Variants in MYOM1 observed in about 807,000 individuals in gnomAD.
MYOM1 encodes the protein myomesin-1.
MYOM1 carries 164 observed loss-of-function variants against 205.3 expected under a neutral mutation model. That is an observed-to-expected ratio of 0.80 (90% confidence interval 0.70 to 0.91). The LOEUF (loss-of-function observed/expected upper bound fraction) is 0.91. Ranked by LOEUF, MYOM1 falls within the 40% of genes least tolerant of loss-of-function variation. The pLI, the probability that MYOM1 is intolerant of heterozygous loss-of-function variation, is 0.00. For missense variants in MYOM1, 2,011 were observed against 2,127.3 expected (o/e 0.95, Z 1.08); for synonymous variants, 772 against 789.4 (o/e 0.98, Z 0.37).
chr18:3,246,654 G>C, the MYOM1 span: 1 of 152,262 alleles, frequency 6.6e-6, no homozygotes, highest in Non-Finnish European at 1.5e-5. Flanking sequence ...GGCGTTTACA[G>C]CAACACTGTC....
At chr18:3,103,155 G>C (rs1038377304) in intron 22 of MYOM1, among the ~76,000 whole-genome samples, 2 of 125,944 alleles carry the variant, frequency 1.6e-5, no homozygotes, top group African/African-American at 2.7e-5. Context: ...ACTAAGAATA[G>C]CCTATATTCA....
At chr18:3,098,184 TG>T (rs1327349859) in intron 25 of MYOM1, among the ~76,000 whole-genome samples, 1 of 152,256 alleles carries the variant, frequency 6.6e-6, no homozygotes, top group African/African-American at 2.4e-5. Context: ...ATCACTGGTC[TG>T]TTTCAATTAA....
At chr18:3,067,588 T>A (rs762113438) in intron 37 of MYOM1, 33 bp from the exon 38 acceptor site, 10 of 1,595,006 alleles carry the variant, frequency 6.3e-6, no homozygotes, top group Non-Finnish European at 8.6e-6. Context: ...GAGAAGAAGA[T>A]AAATTAGATG....
chr18:3,247,363 A>G, the MYOM1 span: 1 of 152,292 alleles, frequency 6.6e-6, no homozygotes, highest in Non-Finnish European at 1.5e-5. Context: ...CGGGGCGTCA[A>G]GCGCAGGCGC....
At chr18:3,118,652 C>CA (rs1040379628) in intron 20 of MYOM1, among the ~76,000 whole-genome samples, 3 of 151,834 alleles carry the variant, frequency 2.0e-5, no homozygotes, top group African/African-American at 7.3e-5. Flanking sequence ...CACTTTTGAT[C>CA]AAAAAAAATT....
chr18:3,101,421 A>T (rs2079373826), intron 23 of MYOM1, among the ~76,000 whole-genome samples: 1 of 152,228 alleles, frequency 6.6e-6, no homozygotes, highest in Non-Finnish European at 1.5e-5. Context: ...GCAATGATAG[A>T]TCATACAATT....
intron 34 of MYOM1, 124 bp downstream of exon 34, chr18:3,079,055 C>T: frequency 1.1e-6 from 1 of 871,810 alleles, no homozygotes; most frequent in Non-Finnish European, 1.8e-6. Flanking sequence ...TCAAGTCATC[C>T]TCCTGCCTTG....
the MYOM1 span, among the ~76,000 whole-genome samples, chr18:3,242,955 G>C: frequency 1.3e-3 from 191 of 152,050 alleles, no homozygotes; most frequent in African/African-American, 4.5e-3. Flanking sequence ...TTCTAAGCAT[G>C]TATCTATTTA....
At chr18:3,142,089 A>G (rs2080059070) in intron 13 of MYOM1, 26 bp from the exon 14 acceptor site, 1 of 1,611,288 alleles carries the variant, frequency 6.2e-7, no homozygotes, top group South Asian at 1.1e-5. Flanking sequence ...GAAAAATGAG[A>G]AGCACACATT....
intron 2 of MYOM1, among the ~76,000 whole-genome samples, chr18:3,201,229 C>A (rs536898990): frequency 4.0e-5 from 6 of 151,720 alleles, no homozygotes; most frequent in African/African-American, 1.5e-4. Flanking sequence ...TGGAACCCTG[C>A]CTCTACTAAA....
At chr18:3,160,645 T>G (rs2080378304) in intron 10 of MYOM1, among the ~76,000 whole-genome samples, 3 of 152,236 alleles carry the variant, frequency 2.0e-5, no homozygotes. Context: ...TTAAAATACA[T>G]TTATAAGTGA....
intron 26 of MYOM1, 145 bp from the exon 27 acceptor site, chr18:3,090,947 C>G (rs956045900): frequency 2.0e-6 from 2 of 1,009,460 alleles, no homozygotes; most frequent in Admixed American, 5.4e-5. Context: ...TTTGGGAGGT[C>G]GAGGTGGGAG....
chr18:3,129,501 T>A lies in MYOM1; in HGVS notation c.2525A>T (p.Asp842Val). Reference protein sequence around the residue: ...KAAIGGGVSPDVCPALSDEPG... With the variant: ...KAAIGGGVSPVVCPALSDEPG... ...CTCATCGCTCAGTGCGGGACACACA[T>A]CTGGAGACACTCCTCCCCCTACAGT... Residue 842 changes from aspartate (D) to valine (V), a missense_variant, in exon 18 of 38, where the codon GAT (aspartate) becomes GTT (valine). Asp to Val is a radical substitution (Grantham distance 152). Transcript: ENST00000356443. 4 of 1,611,704 alleles carry A rather than the reference T, an allele frequency of 2.5e-6. No individual in the cohort carries two copies. The highest frequency in any genetic ancestry group is 3.4e-6 in the Non-Finnish European group (4 of 1,178,362).
intron 37 of MYOM1, among the ~76,000 whole-genome samples, chr18:3,069,561 T>C (rs1404591416): frequency 6.6e-6 from 1 of 152,144 alleles, no homozygotes; most frequent in Non-Finnish European, 1.5e-5. Context: ...TACAAATACA[T>C]TTCAGTCAAA....
intron 37 of MYOM1, among the ~76,000 whole-genome samples, chr18:3,071,191 G>A (rs1398703424): frequency 6.6e-6 from 1 of 152,144 alleles, no homozygotes; most frequent in Admixed American, 6.5e-5. Flanking sequence ...TCTGTTGGAG[G>A]TAATTTCTTT....
chr18:3,202,215 G>T (rs761602411), intron 2 of MYOM1, among the ~76,000 whole-genome samples: 5 of 151,786 alleles, frequency 3.3e-5, no homozygotes, highest in East Asian at 1.9e-4. Context: ...AGAAACAAAA[G>T]AATTAAAACA....
At position 3,134,571 on chromosome 18, in the gene MYOM1, C is replaced by G. The variant is rs1403706701; in HGVS notation, c.2384+79G>C. ...GTAAAATTTTTTAAAAAAATCTCCT[C>G]CATTGGATGTCTGTGTGCCGTATGT... On this transcript the variant is annotated intron_variant, in intron 16 of 37. Transcript: ENST00000356443. 2.8e-6 allele frequency: 4 copies of G among 1,431,810 alleles called. No individual in the cohort carries two copies. The African/African-American group carries it at 5.7e-5, about 20-fold the overall frequency. 88.7% of individuals were successfully genotyped at this position (1,431,810 alleles called of 1,614,324 possible). A position where few individuals can be genotyped will look rare whatever the true frequency, so the allele number is the denominator to read the frequency against.
chr18:3,227,020 G>A, the MYOM1 span, among the ~76,000 whole-genome samples: 4 of 152,182 alleles, frequency 2.6e-5, no homozygotes, highest in Admixed American at 2.0e-4. Context: ...CTGCCTGCAC[G>A]CATAGTCCAG....
At chr18:3,237,598 C>CAAAAA in the MYOM1 span, among the ~76,000 whole-genome samples, 5 of 53,618 alleles carry the variant, frequency 9.3e-5, no homozygotes, top group East Asian at 5.0e-4. Flanking sequence ...GACTCCGTCT[C>CAAAAA]AAAAAAAAAA....
Sources: allele counts gnomAD v4.1 joint callset (sites outside exome capture counted in the v4.1 genomes callset), GRCh38; gene constraint gnomAD v4.1.1; transcripts MANE v1.5; gene names NCBI Gene and HGNC (gene_info 2026-07-23, HGNC 2026-07-21).